Variants in B4GALT6 observed in about 807,000 individuals in gnomAD.
B4GALT6 encodes beta-1,4-galactosyltransferase 6, also known as UDP-Gal:beta-GlcNAc beta-1,4-galactosyltransferase 6.
Under a neutral mutation model 46.3 loss-of-function variants are expected in B4GALT6, and 14 were observed. That is an observed-to-expected ratio of 0.30 (90% confidence interval 0.20 to 0.47). The LOEUF is 0.47. B4GALT6 is among the 20% of genes least tolerant of loss of function. The probability of loss-of-function intolerance (pLI) is 0.99; values close to 1 mark genes in which losing one functional copy is unlikely to be tolerated. For missense variants in B4GALT6, 386 were observed against 480.1 expected (o/e 0.80, Z 1.83); for synonymous variants, 168 against 162.0 (o/e 1.04, Z -0.28).
the B4GALT6 span, among the ~76,000 whole-genome samples, chr18:31,691,901 T>C: frequency 6.6e-6 from 1 of 152,114 alleles, no homozygotes; most frequent in South Asian, 2.1e-4. Flanking sequence ...AGTTTAGGTA[T>C]ATCAGAGCTA....
the B4GALT6 span, among the ~76,000 whole-genome samples, chr18:31,720,238 G>A: frequency 6.6e-6 from 1 of 152,324 alleles, no homozygotes; most frequent in East Asian, 1.9e-4. Context: ...TTTTGCAAAG[G>A]TGGTTTCAAT....
At chr18:31,710,814 CCACACA>C in the B4GALT6 span, among the ~76,000 whole-genome samples, 15 of 140,122 alleles carry the variant, frequency 1.1e-4, no homozygotes, top group Admixed American at 4.3e-4. Context: ...CCTGAATACA[CCACACA>C]CACACACACA....
chr18:31,637,413 G>GTCAGTTCAAT (rs2073873394), intron 5 of B4GALT6, among the ~76,000 whole-genome samples: 1 of 133,156 alleles, frequency 7.5e-6, no homozygotes, highest in Non-Finnish European at 1.6e-5. Context: ...TTTTTGACCT[G>GTCAGTTCAAT]TCAGTTCAAT....
chr18:31,688,231 A>G (rs757174739), upstream of B4GALT6, among the ~76,000 whole-genome samples: 2 of 150,002 alleles, frequency 1.3e-5, no homozygotes, highest in Admixed American at 6.6e-5. Flanking sequence ...GAATATTTAT[A>G]TACATATAAT....
chr18:31,629,116 A>G (rs2073741689), intron 6 of B4GALT6, among the ~76,000 whole-genome samples: 1 of 152,178 alleles, frequency 6.6e-6, no homozygotes, highest in Non-Finnish European at 1.5e-5. Flanking sequence ...TCTTTTCTCT[A>G]GCTTACTTTA....
chr18:31,634,215 C>T (rs1020930982), intron 5 of B4GALT6, among the ~76,000 whole-genome samples: 18 of 152,186 alleles, frequency 1.2e-4, no homozygotes, highest in Non-Finnish European at 2.1e-4. Flanking sequence ...TTATGCCCTA[C>T]CACACAGGTG....
chr18:31,672,184 G>A (rs943065291), intron 1 of B4GALT6, among the ~76,000 whole-genome samples: 20 of 152,198 alleles, frequency 1.3e-4, no homozygotes, highest in Admixed American at 1.3e-3. Context: ...CAGCATCCCT[G>A]TGATCCTGAT....
the B4GALT6 span, among the ~76,000 whole-genome samples, chr18:31,699,253 T>G: frequency 6.8e-6 from 1 of 146,340 alleles, no homozygotes; most frequent in African/African-American, 2.5e-5. Flanking sequence ...ATAAAGGCAA[T>G]AGACAGATAT....
At chr18:31,709,563 G>A in the B4GALT6 span, among the ~76,000 whole-genome samples, 17 of 108,160 alleles carry the variant, frequency 1.6e-4, no homozygotes, top group African/African-American at 4.0e-4. Context: ...ATGTGTGTGT[G>A]TGTGTGTGTG....
chr18:31,666,101 A>G (rs2074279241), intron 2 of B4GALT6, among the ~76,000 whole-genome samples, 155 bp downstream of exon 2: 1 of 152,244 alleles, frequency 6.6e-6, no homozygotes, highest in Admixed American at 6.5e-5. Context: ...AATAGGTAAC[A>G]GTCTTGATTT....
At chr18:31,636,573 T>A (rs1023187211) in intron 5 of B4GALT6, among the ~76,000 whole-genome samples, 5 of 152,108 alleles carry the variant, frequency 3.3e-5, no homozygotes, top group Non-Finnish European at 5.9e-5. Context: ...TGGCTAAAAT[T>A]AAAAAGACAA....
the B4GALT6 span, among the ~76,000 whole-genome samples, chr18:31,691,863 A>G: frequency 5.9e-5 from 9 of 152,194 alleles, no homozygotes; most frequent in Non-Finnish European, 8.8e-5. Context: ...GGTCACAGGA[A>G]TGATTTAAGT....
the B4GALT6 span, among the ~76,000 whole-genome samples, chr18:31,709,230 A>G: frequency 2.8e-5 from 4 of 145,076 alleles, no homozygotes; most frequent in African/African-American, 1.1e-4. Context: ...AAATTTATGT[A>G]TTTTTTTTTT....
intron 3 of B4GALT6, among the ~76,000 whole-genome samples, chr18:31,646,361 C>T (rs995979307): frequency 2.7e-4 from 41 of 152,144 alleles, no homozygotes; most frequent in African/African-American, 9.7e-4. Flanking sequence ...CCGTTAACCC[C>T]AAAAGAGAAC....
At chr18:31,670,299 C>G (rs2074335552) in intron 1 of B4GALT6, among the ~76,000 whole-genome samples, 4 of 152,114 alleles carry the variant, frequency 2.6e-5, no homozygotes, top group Admixed American at 2.6e-4. Context: ...AGGCAATCCG[C>G]CCGCCTCAGC....
intron 2 of B4GALT6, among the ~76,000 whole-genome samples, chr18:31,659,750 T>C (rs2074188815): frequency 6.6e-6 from 1 of 152,068 alleles, no homozygotes; most frequent in Non-Finnish European, 1.5e-5. Context: ...GGAAAGTGTC[T>C]GACAAGGAAA....
the B4GALT6 span, among the ~76,000 whole-genome samples, chr18:31,700,412 G>A: frequency 6.7e-5 from 10 of 149,176 alleles, no homozygotes; most frequent in Non-Finnish European, 1.3e-4. Context: ...AAGTGCTTAT[G>A]GGACATTTAT....
the B4GALT6 span, among the ~76,000 whole-genome samples, chr18:31,697,793 G>GT: frequency 6.6e-6 from 1 of 151,960 alleles, no homozygotes. Flanking sequence ...AGGTTGATGG[G>GT]TTTTTTTCCC....
intron 3 of B4GALT6, among the ~76,000 whole-genome samples, chr18:31,645,692 C>T (rs965748715): frequency 2.6e-5 from 4 of 151,824 alleles, no homozygotes; most frequent in African/African-American, 9.7e-5. Flanking sequence ...GGTAAATCGG[C>T]CAAAGAAAAT....
Sources: gnomAD v4.1 joint callset for allele counts (sites outside exome capture counted in the v4.1 genomes callset) on GRCh38, gnomAD v4.1.1 for gene constraint, MANE v1.5 for transcripts, NCBI Gene and HGNC (gene_info 2026-07-23, HGNC 2026-07-21) for gene names.